The following SFMBT2 variants were observed in gnomAD, a reference collection of about 807,000 sequenced individuals.
SFMBT2 encodes the protein Scm like with four mbt domains 2.
SFMBT2 carries 38 observed loss-of-function variants against 110.1 expected under a neutral mutation model. The ratio of observed to expected loss-of-function variants is 0.35; its 90% CI spans 0.27 to 0.45. The LOEUF (loss-of-function observed/expected upper bound fraction) is 0.45, where lower values mean the gene tolerates loss of function less well. Among genes scored for constraint, SFMBT2 ranks in the 20% least tolerant of loss-of-function variants. The pLI is 1.00. For missense variants in SFMBT2, 1,011 were observed against 1,094.9 expected (o/e 0.92, Z 1.08); for synonymous variants, 425 against 425.4 (o/e 1.00, Z 0.01).
chr10:7,356,945 G>C (rs1025003098), intron 4 of SFMBT2, among the ~76,000 whole-genome samples: 1 of 152,076 alleles, frequency 6.6e-6, no homozygotes, highest in Non-Finnish European at 1.5e-5. Flanking sequence ...CTTCGTATTG[G>C]TTTTCAAGAG....
At chr10:7,351,829 C>T (rs1844327943) in intron 4 of SFMBT2, among the ~76,000 whole-genome samples, 1 of 151,586 alleles carries the variant, frequency 6.6e-6, no homozygotes, top group Non-Finnish European at 1.5e-5. Context: ...CTTCTCCACT[C>T]ATACGGCCCT....
At chr10:7,353,368 C>T (rs1208521117) in intron 4 of SFMBT2, among the ~76,000 whole-genome samples, 1 of 152,046 alleles carries the variant, frequency 6.6e-6, no homozygotes, top group Non-Finnish European at 1.5e-5. Flanking sequence ...TAGCAAAGAA[C>T]TCAGAGAAAG....
chr10:7,320,032 AAG>A, intron 4 of SFMBT2, among the ~76,000 whole-genome samples: 1 of 140,664 alleles, frequency 7.1e-6, no homozygotes, highest in African/African-American at 2.7e-5. Flanking sequence ...CAGAAAGAGA[AAG>A]AGAGAGACAA....
chr10:7,299,642 A>C (rs1175052041), intron 4 of SFMBT2, among the ~76,000 whole-genome samples: 2 of 152,214 alleles, frequency 1.3e-5, no homozygotes, highest in Non-Finnish European at 2.9e-5. Context: ...GTGGGAGTGT[A>C]AATTAGTTCA....
chr10:7,227,762 C>T (rs1839937537), intron 10 of SFMBT2, 93 bp downstream of exon 10: 1 of 1,077,700 alleles, frequency 9.3e-7, no homozygotes, highest in East Asian at 2.4e-5. Context: ...TGTAATACTC[C>T]AACCGTGCTT....
Position 7,158,964 on chromosome 10 carries a change from T to A in SFMBT2, c.*4806A>T, listed in dbSNP as rs1837481841. 6.6e-6 allele frequency: 1 copy of A among 152,222 alleles called. No homozygotes were observed. The highest frequency in any genetic ancestry group is 2.4e-5 in the African/African-American group (1 of 41,454). The allele number at this position is 152,222 out of a possible 1,614,324, so 9.4% of individuals were successfully genotyped here. On this transcript the variant is annotated 3_prime_UTR_variant, in exon 21 of 21. Transcript: ENST00000397167. ...GGATAGTTGATGCTTCCAGAGATCA[T>A]GCTGGCTCCTGTTTCAAGCAAGTGA...
chr10:7,406,465 T>TAA (rs76194396), intron 1 of SFMBT2, among the ~76,000 whole-genome samples: 2,520 of 120,050 alleles, frequency 0.021, 76 homozygotes, highest in African/African-American at 0.073. Context: ...GGGCAGTGGT[T>TAA]AAAAAAAAAA....
chr10:7,385,242 T>C (rs543658265), intron 1 of SFMBT2, among the ~76,000 whole-genome samples: 2 of 151,994 alleles, frequency 1.3e-5, no homozygotes, highest in South Asian at 4.2e-4. Flanking sequence ...CTCTACCCCA[T>C]GTAAGGAAGC....
chr10:7,247,678 A>G (rs533253261), intron 8 of SFMBT2, among the ~76,000 whole-genome samples: 1 of 152,308 alleles, frequency 6.6e-6, no homozygotes, highest in African/African-American at 2.4e-5. Context: ...AGAAATTAAA[A>G]CAGATTTAAA....
At chr10:7,335,284 G>A (rs986839751) in intron 4 of SFMBT2, among the ~76,000 whole-genome samples, 1 of 152,158 alleles carries the variant, frequency 6.6e-6, no homozygotes, top group Non-Finnish European at 1.5e-5. Flanking sequence ...GGTCCACATT[G>A]CAAATTGTAT....
At chr10:7,214,523 C>T (rs115563619) in intron 11 of SFMBT2, 22,874 of 970,884 alleles carry the variant, frequency 0.024, 310 homozygotes, top group Non-Finnish European at 0.025. Flanking sequence ...CCTGAGCTAT[C>T]ACTGCTTCTT....
intron 4 of SFMBT2, among the ~76,000 whole-genome samples, chr10:7,351,507 G>A (rs1011890823): frequency 5.3e-5 from 8 of 152,220 alleles, no homozygotes; most frequent in Admixed American, 1.3e-4. Flanking sequence ...AAAGTTGAGA[G>A]AGAAAATACC....
chr10:7,239,760 C>A (rs1047728902), intron 9 of SFMBT2, among the ~76,000 whole-genome samples: 18 of 152,216 alleles, frequency 1.2e-4, no homozygotes, highest in African/African-American at 4.3e-4. Context: ...GCTTTAGGCC[C>A]CCCAAACTCT....
intron 1 of SFMBT2, among the ~76,000 whole-genome samples, chr10:7,386,742 T>C (rs577698511): frequency 1.5e-4 from 23 of 152,208 alleles, no homozygotes; most frequent in Non-Finnish European, 2.9e-4. Context: ...GAAATGGAAG[T>C]GTTAGCATGG....
At chr10:7,257,822 T>C (rs987611011) in intron 7 of SFMBT2, among the ~76,000 whole-genome samples, 2 of 152,208 alleles carry the variant, frequency 1.3e-5, no homozygotes, top group Non-Finnish European at 2.9e-5. Context: ...TTGTGAAAGA[T>C]GAGGCACAGG....
At position 7,329,458 on chromosome 10, in the gene SFMBT2, G is replaced by A. The variant is rs941228067; in HGVS notation, c.436+38191C>T. The A allele has an allele frequency of 3.0e-6, 3 of 985,386 alleles. No homozygotes were observed. The Admixed American group carries it at 1.8e-4, about 61-fold the overall frequency. 61.0% of individuals were successfully genotyped at this position (985,386 alleles called of 1,614,324 possible). On this transcript the variant is annotated intron_variant, in intron 4 of 20. Transcript: ENST00000397167. ...CAACCACAAAAGCGGTGAGGGAACT[G>A]AGGAAATGTGTGTGGTGAGTTCTGC... is the stretch of plus-strand genomic sequence containing the variant.
chr10:7,259,488 T>C (rs1285559315), intron 7 of SFMBT2, among the ~76,000 whole-genome samples: 1 of 152,254 alleles, frequency 6.6e-6, no homozygotes, highest in Non-Finnish European at 1.5e-5. Flanking sequence ...GTTCTGCCAC[T>C]GTAGGATGTT....
intron 1 of SFMBT2, among the ~76,000 whole-genome samples, chr10:7,404,251 T>C (rs1846154893): frequency 6.6e-6 from 1 of 152,230 alleles, no homozygotes; most frequent in Non-Finnish European, 1.5e-5. Flanking sequence ...CTCATTTAAG[T>C]TATACCTAAA....
At chr10:7,405,189 G>A (rs1846180896) in intron 1 of SFMBT2, among the ~76,000 whole-genome samples, 1 of 152,168 alleles carries the variant, frequency 6.6e-6, no homozygotes, top group Non-Finnish European at 1.5e-5. Flanking sequence ...CTACCAGAAG[G>A]CTGCAATCAT....
Sources: gnomAD v4.1 joint callset for allele counts (sites outside exome capture counted in the v4.1 genomes callset) on GRCh38, gnomAD v4.1.1 for gene constraint, MANE v1.5 for transcripts, NCBI Gene and HGNC (gene_info 2026-07-23, HGNC 2026-07-21) for gene names.